L3HYPDH: variants seen among roughly 807,000 people sequenced by gnomAD.
The protein encoded by L3HYPDH is trans-3-hydroxy-L-proline dehydratase.
A neutral mutation model predicts 26.5 loss-of-function variants in L3HYPDH; 32 were observed. That is an observed-to-expected ratio of 1.21 (90% CI 0.91 to 1.62). L3HYPDH has a LOEUF of 1.62. L3HYPDH is among the 40% of genes most tolerant of loss of function. The pLI is 0.00. For missense variants in L3HYPDH, 554 were observed against 476.4 expected, an observed-to-expected ratio of 1.16 and a Z score of -1.52; for synonymous variants, 215 against 196.6, an observed-to-expected ratio of 1.09 and a Z score of -0.78.
At chr14:59,495,363 G>A in the L3HYPDH span, 1 of 612,900 alleles carries the variant, frequency 1.6e-6, no homozygotes, top group Non-Finnish European at 2.9e-6. Flanking sequence ...CCTTGAACAT[G>A]TAAACAGCCT....
chr14:59,470,921 TAAGAG>T (rs1341889342), downstream of L3HYPDH, among the ~76,000 whole-genome samples: 4 of 113,416 alleles, frequency 3.5e-5, no homozygotes, highest in Admixed American at 2.6e-4. Context: ...TTTAAATACT[TAAGAG>T]AAGGAACCAG....
At chr14:59,497,634 ATCT>A in the L3HYPDH span, among the ~76,000 whole-genome samples, 2 of 152,180 alleles carry the variant, frequency 1.3e-5, no homozygotes, top group African/African-American at 4.8e-5. Context: ...GATTAAAATC[ATCT>A]TTTTTAGAGC....
chr14:59,473,134 G>A (rs371973313), intron 4 of L3HYPDH, 44 bp from the exon 5 acceptor site: 256 of 1,532,064 alleles, frequency 1.7e-4, no homozygotes, highest in Middle Eastern at 6.9e-4. Flanking sequence ...TATTGCACTC[G>A]TATTATATCT....
the L3HYPDH span, among the ~76,000 whole-genome samples, chr14:59,502,755 T>TGTTTTGTTTTGTTTTTTTTTGTTTTG: frequency 8.1e-6 from 1 of 122,918 alleles, no homozygotes; most frequent in African/African-American, 3.0e-5. Flanking sequence ...ATGAGATTTT[T>TGTTTTGTTTTGTTTTTTTTTGTTTTG]TTTTTTTTTT....
chr14:59,487,436 G>A (rs1413347938), upstream of L3HYPDH: 5 of 351,858 alleles, frequency 1.4e-5, no homozygotes, highest in Non-Finnish European at 2.6e-5. Flanking sequence ...TTCATTGAAT[G>A]TTAGTCAACT....
chr14:59,476,240 T>A, intron 2 of L3HYPDH, 26 bp from the exon 3 acceptor site: 1 of 970,338 alleles, frequency 1.0e-6, no homozygotes, highest in Non-Finnish European at 1.4e-6. Flanking sequence ...AAAGATCACA[T>A]GCAAAATAAA....
At chr14:59,479,493 T>C in intron 1 of L3HYPDH, 142 bp from the exon 2 acceptor site, 1 of 781,908 alleles carries the variant, frequency 1.3e-6, no homozygotes, top group East Asian at 2.7e-5. Context: ...AAAATCCGTT[T>C]TTTAAATGAA....
Position 59,479,321 on chromosome 14 carries a change from T to C in L3HYPDH, c.539A>G (p.Lys180Arg), listed in dbSNP as rs1689572369. 1 of 1,612,716 alleles carries C rather than the reference T, an allele frequency of 6.2e-7. No homozygotes were observed. The change falls in exon 2 of 5, where the codon AAG becomes AGG. Residue 180 changes from lysine to arginine, a missense_variant. Coordinates refer to ENST00000247194, the MANE Select transcript of L3HYPDH (RefSeq NM_144581.2). ...DLMVDVPGHG[K>R]VMVDIAYGGA... Reference sequence around the variant, plus strand: ...GCCATATGCAATGTCCACCATCACCTTTCCATGTCCAGGAACATCCACCAT... The same window carrying C: ...GCCATATGCAATGTCCACCATCACCCTTCCATGTCCAGGAACATCCACCAT...
the L3HYPDH span, among the ~76,000 whole-genome samples, chr14:59,497,420 T>C: frequency 6.6e-6 from 1 of 152,164 alleles, no homozygotes; most frequent in African/African-American, 2.4e-5. Flanking sequence ...GGAAACGTAA[T>C]CACTTCCAGA....
intron 4 of L3HYPDH, chr14:59,474,858 GTA>G: frequency 4.7e-6 from 1 of 211,260 alleles, no homozygotes; most frequent in Non-Finnish European, 9.2e-6. Flanking sequence ...TTTGAAGACA[GTA>G]TGTTCCAAAT....
At chr14:59,498,818 G>C in the L3HYPDH span, 1 of 1,611,324 alleles carries the variant, frequency 6.2e-7, no homozygotes, top group Non-Finnish European at 8.5e-7. Context: ...ATGTGGGTTA[G>C]GGAAATCTGA....
intron 1 of L3HYPDH, among the ~76,000 whole-genome samples, chr14:59,467,532 C>G (rs181643596): frequency 4.6e-5 from 7 of 152,322 alleles, no homozygotes; most frequent in African/African-American, 1.7e-4. Context: ...CCAGTTCATC[C>G]TCTTCCACCT....
At chr14:59,484,553 G>T (rs1317326410), upstream of L3HYPDH, 4 of 1,566,858 alleles carry the variant, frequency 2.6e-6, no homozygotes, top group African/African-American at 2.7e-5. Flanking sequence ...CAGATCCGCT[G>T]ATCTAGTGCT....
intron 1 of L3HYPDH, among the ~76,000 whole-genome samples, chr14:59,467,248 G>A (rs936701979): frequency 6.6e-6 from 1 of 152,208 alleles, no homozygotes; most frequent in African/African-American, 2.4e-5. Flanking sequence ...TTTGATGAAT[G>A]TGCAAAGTCT....
At chr14:59,479,376 G>C (rs1752435) in intron 1 of L3HYPDH, 25 bp from the exon 2 acceptor site, 89,523 of 1,596,944 alleles carry the variant, frequency 0.056, 3,199 homozygotes, top group African/African-American at 0.16. Context: ...TGTTTGGAAA[G>C]AAGATGTGTT....
chr14:59,470,955 C>CA (rs1478814280), downstream of L3HYPDH, among the ~76,000 whole-genome samples: 1 of 56,098 alleles, frequency 1.8e-5, no homozygotes, highest in Admixed American at 2.0e-4. Context: ...TGGCTGGGGG[C>CA]GGGGGGGGGG....
downstream of L3HYPDH, among the ~76,000 whole-genome samples, chr14:59,469,113 C>T (rs776874813): frequency 2.6e-5 from 4 of 152,158 alleles, no homozygotes; most frequent in Non-Finnish European, 5.9e-5. Flanking sequence ...ACCATTGGAA[C>T]AGATCAACTT....
intron 1 of L3HYPDH, 91 bp downstream of exon 1, chr14:59,483,718 T>A: frequency 6.6e-7 from 1 of 1,519,880 alleles, no homozygotes; most frequent in Non-Finnish European, 8.8e-7. Context: ...GTAGGTTAGT[T>A]GCCAGAGTTC....
the L3HYPDH span, among the ~76,000 whole-genome samples, chr14:59,493,223 C>T: frequency 6.6e-6 from 1 of 152,182 alleles, no homozygotes; most frequent in Non-Finnish European, 1.5e-5. Context: ...CACCTGCATG[C>T]ATCATAATTA....
Sources: allele counts gnomAD v4.1 joint callset (sites outside exome capture counted in the v4.1 genomes callset), GRCh38; gene constraint gnomAD v4.1.1; transcripts MANE v1.5; gene names NCBI Gene and HGNC (gene_info 2026-07-23, HGNC 2026-07-21).